The following MGAT4C variants were observed in gnomAD, a reference collection of about 807,000 sequenced individuals.
MGAT4C encodes the protein MGAT4 family member C.
MGAT4C carries 19 observed loss-of-function variants against 40.1 expected under a neutral mutation model. The observed-to-expected ratio is 0.47, with a 90% CI of 0.33 to 0.70. The LOEUF (loss-of-function observed/expected upper bound fraction) is 0.70. Among genes scored for constraint, MGAT4C ranks in the 30% least tolerant of loss-of-function variants. MGAT4C has a pLI of 0.02. For missense variants in MGAT4C, 491 were observed against 563.2 expected (o/e 0.87, Z 1.30); for synonymous variants, 181 against 187.1 (o/e 0.97, Z 0.27).
chr12:86,100,442 T>A (rs1874761036), intron 1 of MGAT4C, among the ~76,000 whole-genome samples: 1 of 151,398 alleles, frequency 6.6e-6, no homozygotes, highest in Non-Finnish European at 1.5e-5. Context: ...ACATTCAAGG[T>A]TAATGATTTT....
chr12:86,354,670 A>G (rs1260104250), intron 3 of MGAT4C, among the ~76,000 whole-genome samples: 1 of 152,244 alleles, frequency 6.6e-6, no homozygotes, highest in Non-Finnish European at 1.5e-5. Context: ...AAATTATTCA[A>G]TTTGGACAAC....
chr12:86,180,426 A>T (rs1327792535), intron 1 of MGAT4C, among the ~76,000 whole-genome samples: 1 of 152,108 alleles, frequency 6.6e-6, no homozygotes, highest in African/African-American at 2.4e-5. Context: ...TATCCTTCAG[A>T]CCCTAGAGTG....
intron 1 of MGAT4C, among the ~76,000 whole-genome samples, chr12:86,796,208 G>T (rs1952115159): frequency 6.7e-6 from 1 of 149,784 alleles, no homozygotes. Context: ...TATTACTTCT[G>T]CACGTGCCAG....
chr12:86,062,834 A>C (rs1420492973), intron 1 of MGAT4C, among the ~76,000 whole-genome samples: 2 of 152,014 alleles, frequency 1.3e-5, no homozygotes, highest in African/African-American at 4.8e-5. Context: ...AAAAAGAATG[A>C]AAAAGAACAA....
intron 2 of MGAT4C, chr12:86,028,184 T>C (rs1276073512): frequency 7.8e-7 from 1 of 1,287,672 alleles, no homozygotes; most frequent in African/African-American, 1.5e-5. Context: ...TTCCCAAGCA[T>C]GAGACGTTCC....
At chr12:86,220,831 A>C (rs1179890761) in intron 1 of MGAT4C, among the ~76,000 whole-genome samples, 4 of 152,236 alleles carry the variant, frequency 2.6e-5, no homozygotes, top group Admixed American at 1.3e-4. Flanking sequence ...GGAATTTGCC[A>C]GCAGGTAATA....
At chr12:86,450,834 A>G (rs182299821) in intron 2 of MGAT4C, among the ~76,000 whole-genome samples, 20 of 152,188 alleles carry the variant, frequency 1.3e-4, no homozygotes, top group Admixed American at 1.2e-3. Flanking sequence ...GTTTGTATAC[A>G]CATATGTATG....
chr12:86,294,029 T>C (rs1012867030), intron 4 of MGAT4C, among the ~76,000 whole-genome samples: 3 of 152,154 alleles, frequency 2.0e-5, no homozygotes, highest in Non-Finnish European at 4.4e-5. Context: ...TCTCCCATGA[T>C]GCAGTGTTAA....
intron 1 of MGAT4C, among the ~76,000 whole-genome samples, chr12:86,160,231 T>C (rs1424397852): frequency 1.3e-5 from 2 of 151,222 alleles, no homozygotes; most frequent in Non-Finnish European, 3.0e-5. Context: ...TTTGGTGAGA[T>C]TTTTCCCCTG....
intron 3 of MGAT4C, among the ~76,000 whole-genome samples, chr12:86,377,060 C>CT (rs57102882): frequency 0.011 from 1,414 of 130,612 alleles, 24 homozygotes; most frequent in African/African-American, 0.025. Flanking sequence ...TAGGCATTTG[C>CT]TTTTTTTTTT....
At chr12:86,666,544 A>G (rs1217787208) in intron 2 of MGAT4C, among the ~76,000 whole-genome samples, 3 of 152,180 alleles carry the variant, frequency 2.0e-5, no homozygotes, top group South Asian at 4.1e-4. Flanking sequence ...TTACTTTATT[A>G]ATCTTTTTTT....
chr12:86,431,437 T>A (rs2136269342), intron 3 of MGAT4C, among the ~76,000 whole-genome samples: 1 of 152,262 alleles, frequency 6.6e-6, no homozygotes, highest in South Asian at 2.1e-4. Flanking sequence ...ATCAAATATT[T>A]TCCAGGAGAG....
At chr12:86,347,208 T>C (rs952279884) in intron 3 of MGAT4C, among the ~76,000 whole-genome samples, 3 of 152,146 alleles carry the variant, frequency 2.0e-5, no homozygotes, top group Admixed American at 2.0e-4. Flanking sequence ...ATGCTATTAG[T>C]TCTATCCCTC....
At chr12:86,418,440 C>A (rs1365697754) in intron 3 of MGAT4C, among the ~76,000 whole-genome samples, 1 of 151,816 alleles carries the variant, frequency 6.6e-6, no homozygotes, top group East Asian at 1.9e-4. Flanking sequence ...CCATCTCTAC[C>A]AAAAATACAG....
rs1491521301 is a variant in MGAT4C at position 86,015,252 on chromosome 12, AAT to A, written c.-6-25702_-6-25701del. On this transcript the variant is annotated intron_variant, in intron 2 of 4. Coordinates refer to ENST00000611864, the MANE Select transcript of MGAT4C (RefSeq NM_001351288.2). ...GTTTTTCCGCAATTACTTTTGCACCAATGTGTGTGTGTTTTCCGCTAGGAAAT... is the reference window on the plus strand; with the variant it reads ...GTTTTTCCGCAATTACTTTTGCACCAGTGTGTGTGTTTTCCGCTAGGAAAT... Among the ~76,000 whole-genome samples, 152 of 138,864 alleles carry A rather than the reference AAT, an allele frequency of 1.1e-3. 1 individual carries two copies. The highest frequency in any genetic ancestry group is 2.1e-3 in the Non-Finnish European group (136 of 63,902). The allele number at this position is 138,864 out of a possible 152,430, so 91.1% of individuals were successfully genotyped here.
chr12:86,726,490 T>C (rs1593154405), intron 2 of MGAT4C, among the ~76,000 whole-genome samples: 1 of 152,322 alleles, frequency 6.6e-6, no homozygotes, highest in African/African-American at 2.4e-5. Context: ...TCTATTCACA[T>C]TAAGCAAAAA....
chr12:86,599,356 T>G (rs533273265), intron 2 of MGAT4C, among the ~76,000 whole-genome samples: 1 of 152,314 alleles, frequency 6.6e-6, no homozygotes, highest in East Asian at 1.9e-4. Flanking sequence ...ACGTTATCTG[T>G]AAATATTACA....
intron 1 of MGAT4C, among the ~76,000 whole-genome samples, chr12:86,804,600 T>C (rs1952312764): frequency 6.6e-6 from 1 of 151,964 alleles, no homozygotes; most frequent in Non-Finnish European, 1.5e-5. Flanking sequence ...CACACATATA[T>C]TCTTCAGTTA....
chr12:86,290,210 C>A (rs1385682941), intron 4 of MGAT4C, among the ~76,000 whole-genome samples: 1 of 152,144 alleles, frequency 6.6e-6, no homozygotes, highest in Non-Finnish European at 1.5e-5. Flanking sequence ...CTGTGCCCAG[C>A]TAATTTTTGT....
Sources: allele counts gnomAD v4.1 joint callset (sites outside exome capture counted in the v4.1 genomes callset), GRCh38; gene constraint gnomAD v4.1.1; transcripts MANE v1.5; gene names NCBI Gene and HGNC (gene_info 2026-07-23, HGNC 2026-07-21).